Variants in LPA observed in about 807,000 individuals in gnomAD.
LPA encodes lipoprotein(a).
LPA carries 199 observed loss-of-function variants against 197.9 expected under a neutral mutation model. The observed-to-expected ratio is 1.01, with a 90% confidence interval of 0.90 to 1.13. The LOEUF is 1.13. LPA is among the 50% of genes most tolerant of loss of function. The probability of loss-of-function intolerance (pLI) is 0.00; values close to 1 mark genes in which losing one functional copy is unlikely to be tolerated. For missense variants in LPA, 1,853 were observed against 1,785.8 expected, an observed-to-expected ratio of 1.04 and a Z score of -0.68; for synonymous variants, 715 against 639.5, an observed-to-expected ratio of 1.12 and a Z score of -1.78.
intron 18 of LPA, among the ~76,000 whole-genome samples, chr6:160,601,962 C>T (rs1779249916): frequency 6.6e-6 from 1 of 152,164 alleles, no homozygotes; most frequent in Non-Finnish European, 1.5e-5. Flanking sequence ...TATGGAGGAC[C>T]TCAGGCTGGG....
chr6:160,548,473 C>G lies in LPA; in HGVS notation c.5155+5G>C. 1 of 1,613,764 alleles carries G rather than the reference C, an allele frequency of 6.2e-7. No individual in the cohort carries two copies. The highest frequency in any genetic ancestry group is 8.5e-7 in the Non-Finnish European group (1 of 1,179,940). ...GCTAGACAAGGTAAGACACAGACTTCTTACCTTGTTCAGAAGGAGGCCCTA... is the reference window on the plus strand; with the variant it reads ...GCTAGACAAGGTAAGACACAGACTTGTTACCTTGTTCAGAAGGAGGCCCTA... On this transcript the variant is annotated splice_donor_5th_base_variant and intron_variant, in intron 31 of 38. Transcript: ENST00000316300.
At chr6:160,583,205 A>G (rs1008982813) in intron 26 of LPA, among the ~76,000 whole-genome samples, 1 of 151,324 alleles carries the variant, frequency 6.6e-6, no homozygotes, top group Non-Finnish European at 1.5e-5. Flanking sequence ...TCTCCTGGTT[A>G]TGGGTCACAC....
chr6:160,586,584 G>T lies in LPA; in HGVS notation c.3994C>A (p.Pro1332Thr), dbSNP rs1450704075. The change falls in exon 25 of 39, where the codon CCT (proline) becomes ACT (threonine). Residue 1332 changes from proline to threonine, a missense_variant. Physicochemically the swap from Pro to Thr is conservative, Grantham distance 38. This residue lies in a region of LPA where 1,737 missense variants were observed against 1,504.4 expected (regional missense o/e 1.15). Transcript: ENST00000316300. ...CTGGGATCCATGGTATAACACCAAGGGCGAATCTCAGCATCTGGATTCCTG... is the reference window on the plus strand; with the variant it reads ...CTGGGATCCATGGTATAACACCAAGTGCGAATCTCAGCATCTGGATTCCTG... ...YCRNPDAEIRPWCYTMDPSVR... is the reference protein window; with the variant it reads ...YCRNPDAEIRTWCYTMDPSVR... The T allele has an allele frequency of 6.2e-7, 1 of 1,613,594 alleles. No individual in the cohort carries two copies. Among genetic ancestry groups the T allele is most frequent in the East Asian group, 2.2e-5 (1 of 44,870 alleles).
chr6:160,635,024 G>C, intron 7 of LPA, 99 bp downstream of exon 7: 1 of 1,505,658 alleles, frequency 6.6e-7, no homozygotes, highest in Non-Finnish European at 9.1e-7. Context: ...CAACACTCGA[G>C]CATCCGTTTA....
At chr6:160,551,065 G>T (rs1778159844) in intron 30 of LPA, among the ~76,000 whole-genome samples, 1 of 152,204 alleles carries the variant, frequency 6.6e-6, no homozygotes, top group African/African-American at 2.4e-5. Context: ...AAACAGGATT[G>T]CAGGTTTGTA....
At chr6:160,563,300 A>G (rs1221539993) in intron 28 of LPA, among the ~76,000 whole-genome samples, 2 of 152,052 alleles carry the variant, frequency 1.3e-5, no homozygotes, top group African/African-American at 4.8e-5. Flanking sequence ...GAACTTATCT[A>G]CTTCTGCCTT....
At chr6:160,556,330 C>A (rs1778262800) in intron 29 of LPA, 146 bp from the exon 30 acceptor site, 2 of 703,640 alleles carry the variant, frequency 2.8e-6, no homozygotes, top group African/African-American at 3.6e-5. Flanking sequence ...GAAGCAAAAA[C>A]AATAGATTAA....
chr6:160,609,478 G>C (rs187223926), intron 16 of LPA, among the ~76,000 whole-genome samples: 1 of 151,850 alleles, frequency 6.6e-6, no homozygotes, highest in African/African-American at 2.4e-5. Flanking sequence ...TTATATCCTT[G>C]CCTTGTTACC....
intron 28 of LPA, among the ~76,000 whole-genome samples, chr6:160,571,633 C>A (rs1447533662): frequency 1.3e-5 from 2 of 152,218 alleles, no homozygotes; most frequent in South Asian, 4.1e-4. Context: ...CTGCAGTGCA[C>A]CCTGCCCAGT....
chr6:160,660,795 C>T (rs774039528), intron 1 of LPA, among the ~76,000 whole-genome samples: 5 of 152,076 alleles, frequency 3.3e-5, no homozygotes, highest in African/African-American at 4.8e-5. Context: ...ATATGAAGCT[C>T]CTCCACAAAG....
chr6:160,577,088 T>C, intron 28 of LPA, 48 bp downstream of exon 28: 1 of 1,606,082 alleles, frequency 6.2e-7, no homozygotes. Flanking sequence ...TTCTAACCAA[T>C]ATTTGAGTTG....
intron 1 of LPA, among the ~76,000 whole-genome samples, chr6:160,657,707 C>G (rs1780155606): frequency 6.6e-6 from 1 of 152,112 alleles, no homozygotes; most frequent in Non-Finnish European, 1.5e-5. Flanking sequence ...CTATCAGAAC[C>G]TTTTCTAAGT....
In LPA at chr6:160,599,510, A is replaced by G; in HGVS notation, c.3277T>C (p.Tyr1093His). ...PHQHSRTPEN[Y>H]PNAGLTRNYC... ...AGAACAAAGACGTACGCATTTGGGT[A>G]GTTTTCTGGGGTCCGACTATGCTGG... is the stretch of plus-strand genomic sequence containing the variant. The change falls in exon 20 of 39, where the codon TAC (tyrosine) becomes CAC (histidine). Residue 1093 changes from tyrosine (Y) to histidine (H), a missense_variant. Transcript: ENST00000316300. The G allele has an allele frequency of 6.2e-7, 1 of 1,613,842 alleles. No individual in the cohort carries two copies. The highest frequency in any genetic ancestry group is 8.5e-7 in the Non-Finnish European group (1 of 1,179,906).
chr6:160,590,164 G>T (rs973035265), intron 23 of LPA, among the ~76,000 whole-genome samples: 3 of 152,148 alleles, frequency 2.0e-5, no homozygotes, highest in Non-Finnish European at 4.4e-5. Flanking sequence ...GGAAGATGGG[G>T]CAGGAAGTGG....
At chr6:160,573,691 G>A (rs1448916147) in intron 28 of LPA, among the ~76,000 whole-genome samples, 2 of 152,162 alleles carry the variant, frequency 1.3e-5, no homozygotes, top group Non-Finnish European at 2.9e-5. Context: ...ATTATTGCCT[G>A]TCTTCTGGGT....
chr6:160,544,174 T>C (rs1778027132), intron 33 of LPA, among the ~76,000 whole-genome samples: 1 of 152,014 alleles, frequency 6.6e-6, no homozygotes, highest in Admixed American at 6.6e-5. Flanking sequence ...CTGTGGGTGT[T>C]TGAGGCAGGT....
intron 1 of LPA, among the ~76,000 whole-genome samples, chr6:160,651,995 A>G (rs763081855): frequency 1.4e-5 from 2 of 146,554 alleles, no homozygotes; most frequent in Non-Finnish European, 3.0e-5. Context: ...ACCAACACAG[A>G]TACAAAAAAA....
intron 2 of LPA, among the ~76,000 whole-genome samples, chr6:160,647,202 A>G (rs926451662): frequency 3.9e-5 from 6 of 152,190 alleles, no homozygotes; most frequent in Middle Eastern, 3.2e-3. Context: ...CCATGGCATA[A>G]AGGAAGATGG....
intron 30 of LPA, among the ~76,000 whole-genome samples, chr6:160,552,689 T>C (rs1778185508): frequency 6.6e-6 from 1 of 152,252 alleles, no homozygotes; most frequent in African/African-American, 2.4e-5. Flanking sequence ...TTTCATGGTA[T>C]ATATCCTTTT....
Sources: gnomAD v4.1 joint callset for allele counts (sites outside exome capture counted in the v4.1 genomes callset) on GRCh38, gnomAD v4.1.1 for gene constraint, gnomAD v4.1.1 regional missense constraint, MANE v1.5 for transcripts, NCBI Gene and HGNC (gene_info 2026-07-23, HGNC 2026-07-21) for gene names.